The following SLC44A3 variants were observed in gnomAD, a reference collection of about 807,000 sequenced individuals.
SLC44A3 encodes solute carrier family 44 member 3, also known as choline transporter-like protein 3.
A neutral mutation model predicts 75.4 loss-of-function variants in SLC44A3; 74 were observed. The observed-to-expected ratio is 0.98, with a 90% confidence interval of 0.81 to 1.19. The LOEUF (loss-of-function observed/expected upper bound fraction) is 1.19, where lower values mean the gene tolerates loss of function less well. Ranked by LOEUF, SLC44A3 falls within the 50% of genes most tolerant of loss-of-function variation. The probability of loss-of-function intolerance (pLI) is 0.00; values close to 1 mark genes in which losing one functional copy is unlikely to be tolerated. For synonymous variants in SLC44A3, 310 were observed against 296.9 expected (o/e 1.04, Z -0.45); for missense variants, 700 against 778.6 (o/e 0.90, Z 1.20).
At chr1:94,840,734 A>G (rs1195197864) in intron 7 of SLC44A3, among the ~76,000 whole-genome samples, 1 of 152,192 alleles carries the variant, frequency 6.6e-6, no homozygotes, top group African/African-American at 2.4e-5. Flanking sequence ...CACCTCACCC[A>G]TTGGCACGTG....
At position 94,837,871 on chromosome 1, in the gene SLC44A3, G is replaced by C; in HGVS notation, c.670G>C (p.Ala224Pro). The change falls in exon 6 of 15, where the codon GCC becomes CCC. Residue 224 changes from alanine (A) to proline (P), a missense_variant and splice_region_variant. Coordinates refer to ENST00000271227, the MANE Select transcript of SLC44A3 (RefSeq NM_001114106.3). Reference sequence around the variant, plus strand: ...CCTTGGCCTGTGTATCCTCGCATTAGGTAATTCTCAGTTAAGTTAATTTTA... The same window carrying C: ...CCTTGGCCTGTGTATCCTCGCATTACGTAATTCTCAGTTAAGTTAATTTTA... ...TILGLCILALALSLAMMFTFR... is the reference protein window; with the variant it reads ...TILGLCILALPLSLAMMFTFR... 6.3e-7 allele frequency: 1 copy of C among 1,587,148 alleles called. No individual in the cohort carries two copies. Among genetic ancestry groups the C allele is most frequent in the Non-Finnish European group, 8.6e-7 (1 of 1,169,452 alleles).
At chr1:94,867,907 T>C (rs1018682864) in intron 12 of SLC44A3, among the ~76,000 whole-genome samples, 5 of 151,982 alleles carry the variant, frequency 3.3e-5, no homozygotes, top group Admixed American at 2.6e-4. Flanking sequence ...GGGAAGGGAG[T>C]ATTTAGAAAC....
chr1:94,849,399 G>A (rs560556667), intron 9 of SLC44A3, among the ~76,000 whole-genome samples: 13 of 152,110 alleles, frequency 8.5e-5, no homozygotes, highest in South Asian at 2.1e-4. Flanking sequence ...CAAATCACCC[G>A]TCCCCTCCTT....
intron 7 of SLC44A3, among the ~76,000 whole-genome samples, chr1:94,840,347 T>C (rs893797899): frequency 8.4e-5 from 11 of 131,210 alleles, no homozygotes; most frequent in Middle Eastern, 5.3e-3. Flanking sequence ...TGGAGTGCAA[T>C]GGCGCGAACG....
chr1:94,820,508 G>A, intron 1 of SLC44A3, 30 bp downstream of exon 1: 2 of 1,487,462 alleles, frequency 1.3e-6, no homozygotes, highest in East Asian at 2.8e-5. Flanking sequence ...GCCCTCGGGG[G>A]AGGAGCCCCG....
chr1:94,887,972 T>C (rs1278880167), intron 12 of SLC44A3, among the ~76,000 whole-genome samples: 13 of 152,202 alleles, frequency 8.5e-5, no homozygotes, highest in Non-Finnish European at 1.6e-4. Context: ...AATGAGATCA[T>C]CTTTGGTGAT....
chr1:94,826,598 A>G (rs1265873482), intron 3 of SLC44A3, among the ~76,000 whole-genome samples: 1 of 150,954 alleles, frequency 6.6e-6, no homozygotes, highest in African/African-American at 2.4e-5. Flanking sequence ...TGGCAGTGTC[A>G]TTGCACTCCA....
intron 12 of SLC44A3, among the ~76,000 whole-genome samples, chr1:94,871,158 G>T (rs562813798): frequency 6.6e-6 from 1 of 152,298 alleles, no homozygotes. Context: ...CCACCACCTG[G>T]GGATGTGAGC....
intron 10 of SLC44A3, among the ~76,000 whole-genome samples, chr1:94,858,856 T>C (rs1395319577): frequency 6.6e-6 from 1 of 152,128 alleles, no homozygotes. Context: ...CACGCCTGGC[T>C]AATTTTTGTA....
chr1:94,845,600 T>C, intron 9 of SLC44A3, 136 bp downstream of exon 9: 1 of 732,618 alleles, frequency 1.4e-6, no homozygotes, highest in Non-Finnish European at 2.1e-6. Flanking sequence ...CGTTGGTGCT[T>C]GGGGCTCTGT....
At chr1:94,863,414 A>C (rs963984475) in intron 10 of SLC44A3, among the ~76,000 whole-genome samples, 1 of 152,136 alleles carries the variant, frequency 6.6e-6, no homozygotes, top group Admixed American at 6.5e-5. Flanking sequence ...CCTATGAATC[A>C]TGTGTTTCCC....
intron 9 of SLC44A3, among the ~76,000 whole-genome samples, chr1:94,850,028 G>A (rs766389286): frequency 1.6e-4 from 24 of 152,248 alleles, no homozygotes; most frequent in Admixed American, 3.3e-4. Flanking sequence ...GATTATAGGC[G>A]TGAGCCACCC....
At chr1:94,873,664 G>A (rs1250097222) in intron 12 of SLC44A3, among the ~76,000 whole-genome samples, 1 of 152,084 alleles carries the variant, frequency 6.6e-6, no homozygotes, top group Non-Finnish European at 1.5e-5. Context: ...CTGTTTCAAT[G>A]ACTGTCTTTC....
intron 9 of SLC44A3, chr1:94,855,140 G>A (rs1160188848): frequency 1.3e-5 from 2 of 152,156 alleles, no homozygotes; most frequent in Non-Finnish European, 2.9e-5. Context: ...ACCGCTGACT[G>A]TGCCAGGTTG....
At position 94,892,581 on chromosome 1, in the gene SLC44A3, C is replaced by G. The variant is rs186941219; in HGVS notation, c.1857+64C>G. The G allele has an allele frequency of 2.2e-4, 334 of 1,492,586 alleles. 1 individual carries two copies. The African/African-American group carries it at 4.3e-3, about 19-fold the overall frequency. 92.5% of individuals were successfully genotyped at this position (1,492,586 alleles called of 1,614,324 possible). ...TCGCAATCTTGAAAGTTTTGTAAAG[C>G]TGCACACACGAAAGAGGCTCATACC... On this transcript the variant is annotated intron_variant, in intron 14 of 14. Coordinates refer to ENST00000271227, the MANE Select transcript of SLC44A3 (RefSeq NM_001114106.3).
At chr1:94,849,273 C>T (rs537038759) in intron 9 of SLC44A3, among the ~76,000 whole-genome samples, 4 of 152,276 alleles carry the variant, frequency 2.6e-5, no homozygotes, top group Admixed American at 1.3e-4. Flanking sequence ...CTGGGTGCCC[C>T]GGACCTATGG....
Sources: gnomAD v4.1 joint callset for allele counts (sites outside exome capture counted in the v4.1 genomes callset) on GRCh38, gnomAD v4.1.1 for gene constraint, MANE v1.5 for transcripts, NCBI Gene and HGNC (gene_info 2026-07-23, HGNC 2026-07-21) for gene names.